ANKRD17: variants seen among roughly 807,000 people sequenced by gnomAD.
ANKRD17 encodes ankyrin repeat domain-containing protein 17.
Under a neutral mutation model 229.7 loss-of-function variants are expected in ANKRD17, and 19 were observed. The ratio of observed to expected loss-of-function variants is 0.08; its 90% confidence interval spans 0.06 to 0.12. ANKRD17 has a LOEUF of 0.12. Ranked by LOEUF, ANKRD17 falls within the 10% of genes least tolerant of loss-of-function variation. ANKRD17 has a pLI of 1.00. For missense variants in ANKRD17, 2,176 were observed against 3,176.8 expected, an observed-to-expected ratio of 0.68 and a Z score of 7.57; for synonymous variants, 1,112 against 1,146.1, an observed-to-expected ratio of 0.97 and a Z score of 0.60.
intron 1 of ANKRD17, among the ~76,000 whole-genome samples, chr4:73,189,132 T>C (rs1238593431): frequency 6.6e-6 from 1 of 152,140 alleles, no homozygotes; most frequent in East Asian, 1.9e-4. Context: ...CACTACTTTT[T>C]TATTTACAAG....
Position 73,139,813 on chromosome 4 carries a change from C to T in ANKRD17, c.2803G>A (p.Val935Ile), listed in dbSNP as rs1578167716. 3 of 1,614,226 alleles carry T rather than the reference C, an allele frequency of 1.9e-6. No homozygotes were observed. Among genetic ancestry groups the T allele is most frequent in the Non-Finnish European group, 2.5e-6 (3 of 1,180,042 alleles). Reference protein sequence around the residue: ...DYARLQQVDPVLLKDEPQQTA... With the variant: ...DYARLQQVDPILLKDEPQQTA... The stretch of plus-strand genomic sequence containing the variant: ...TGCTGGGGTTCATCTTTAAGTAAAA[C>T]AGGATCCACTTGCTGTAACCGTGCA... The change falls in exon 15 of 34, where the codon GTT (valine) becomes ATT (isoleucine). Residue 935 changes from valine (V) to isoleucine (I), a missense_variant. Around this residue, in one of 18 missense-constraint regions of ANKRD17, gnomAD observed 230 missense variants for 252.3 expected, o/e 0.91. Coordinates refer to ENST00000358602, the MANE Select transcript of ANKRD17 (RefSeq NM_032217.5).
rs551259613 is a variant in ANKRD17 at position 73,192,557 on chromosome 4, T to TAA, written c.394-15026_394-15025dup. Reference sequence around the variant, plus strand: ...CCATACCCTTCTATATTGCTTACCTTAAAAAAAAAATGCAGTTTTCTACCG... The same window carrying TAA: ...CCATACCCTTCTATATTGCTTACCTTAAAAAAAAAAAATGCAGTTTTCTACCG... On this transcript the variant is annotated intron_variant, in intron 1 of 33. Coordinates refer to ENST00000358602, the MANE Select transcript of ANKRD17 (RefSeq NM_032217.5). Among the ~76,000 whole-genome samples, 21 of 149,240 alleles carry TAA rather than the reference T, an allele frequency of 1.4e-4. No homozygotes were observed. The South Asian group carries it at 2.5e-3, about 18-fold the overall frequency.
At chr4:73,105,706 G>A (rs1724532303) in intron 24 of ANKRD17, among the ~76,000 whole-genome samples, 4 of 152,192 alleles carry the variant, frequency 2.6e-5, no homozygotes, top group Admixed American at 2.0e-4. Context: ...GAGGTCACAT[G>A]GTTCAGACCT....
chr4:73,244,549 G>A (rs1395528872), intron 1 of ANKRD17, among the ~76,000 whole-genome samples: 1 of 152,166 alleles, frequency 6.6e-6, no homozygotes, highest in African/African-American at 2.4e-5. Context: ...GTATTGGACA[G>A]CACTGATTAA....
At chr4:73,134,979 TTTAA>T (rs1332437424) in intron 16 of ANKRD17, 134 bp downstream of exon 16, 3 of 794,844 alleles carry the variant, frequency 3.8e-6, no homozygotes, top group Admixed American at 3.4e-5. Context: ...AAATGTGAAC[TTTAA>T]TTAATTTAAA....
chr4:73,183,485 A>T (rs1024710931), intron 1 of ANKRD17, among the ~76,000 whole-genome samples: 5 of 151,978 alleles, frequency 3.3e-5, no homozygotes, highest in Admixed American at 6.6e-5. Context: ...ACAGGGTCTC[A>T]CTCTGTCACG....
At chr4:73,124,593 TATA>T (rs1727191734) in intron 18 of ANKRD17, among the ~76,000 whole-genome samples, 2 of 152,206 alleles carry the variant, frequency 1.3e-5, no homozygotes, top group Admixed American at 1.3e-4. Flanking sequence ...TGCCATGTAC[TATA>T]GGGCAGGCAA....
chr4:73,253,784 G>GT (rs1369864788), intron 1 of ANKRD17, among the ~76,000 whole-genome samples: 1 of 152,154 alleles, frequency 6.6e-6, no homozygotes, highest in Admixed American at 6.5e-5. Flanking sequence ...AATACTTAGA[G>GT]AAGATCATCA....
chr4:73,179,518 A>ATATATATTTTT (rs1192164276), intron 1 of ANKRD17, among the ~76,000 whole-genome samples: 11 of 40,774 alleles, frequency 2.7e-4, no homozygotes, highest in East Asian at 8.9e-4. Flanking sequence ...ATATATATAT[A>ATATATATTTTT]TTTTTTTTTT....
At chr4:73,089,422 T>C (rs1277511059) in intron 29 of ANKRD17, among the ~76,000 whole-genome samples, 1 of 152,206 alleles carries the variant, frequency 6.6e-6, no homozygotes, top group Non-Finnish European at 1.5e-5. Flanking sequence ...GACCATAGTG[T>C]GTCCATCTCT....
chr4:73,125,803 G>A (rs1372888961), intron 16 of ANKRD17, among the ~76,000 whole-genome samples: 2 of 151,492 alleles, frequency 1.3e-5, no homozygotes, highest in Admixed American at 6.6e-5. Flanking sequence ...GCCAACTTGC[G>A]AGTTTTTTAA....
chr4:73,229,706 C>T (rs1279941811), intron 1 of ANKRD17, among the ~76,000 whole-genome samples: 1 of 151,038 alleles, frequency 6.6e-6, no homozygotes, highest in South Asian at 2.1e-4. Context: ...AATGATCTAC[C>T]CTTTAAAAAA....
intron 28 of ANKRD17, 21 bp from the exon 29 acceptor site, chr4:73,092,321 AT>A (rs747745144): frequency 4.5e-6 from 7 of 1,568,616 alleles, no homozygotes; most frequent in Non-Finnish European, 6.0e-6. Flanking sequence ...AGAAAAAAAA[AT>A]TAGGTAGAAT....
intron 1 of ANKRD17, among the ~76,000 whole-genome samples, chr4:73,226,388 T>TG (rs1387530758): frequency 4.5e-5 from 6 of 132,856 alleles, no homozygotes; most frequent in Middle Eastern, 3.8e-3. Context: ...TCTTTTCTTC[T>TG]GTTTTTTTTT....
intron 1 of ANKRD17, among the ~76,000 whole-genome samples, chr4:73,237,417 A>G (rs945068334): frequency 5.3e-5 from 8 of 152,222 alleles, no homozygotes; most frequent in Non-Finnish European, 8.8e-5. Flanking sequence ...CATATTCACA[A>G]CTTAAATCAT....
At chr4:73,154,628 T>C (rs1310852514) in intron 5 of ANKRD17, among the ~76,000 whole-genome samples, 1 of 152,200 alleles carries the variant, frequency 6.6e-6, no homozygotes, top group Non-Finnish European at 1.5e-5. Context: ...TTGAATTCAA[T>C]AATTTCTAAA....
At chr4:73,246,934 C>A (rs1744558536) in intron 1 of ANKRD17, among the ~76,000 whole-genome samples, 1 of 152,086 alleles carries the variant, frequency 6.6e-6, no homozygotes, top group African/African-American at 2.4e-5. Flanking sequence ...TTGTTAAATA[C>A]TGGAGTGAGG....
intron 5 of ANKRD17, among the ~76,000 whole-genome samples, chr4:73,154,784 G>GT (rs1318441199): frequency 6.6e-6 from 1 of 152,172 alleles, no homozygotes; most frequent in Non-Finnish European, 1.5e-5. Flanking sequence ...GCTCACGCCT[G>GT]TAATCCCAGC....
In ANKRD17 at chr4:73,142,555, A is replaced by G. The variant is rs143931320; in HGVS notation, c.2085+85T>C. The G allele has an allele frequency of 7.6e-5, 121 of 1,600,456 alleles. No individual in the cohort carries two copies. In the East Asian group the frequency reaches 2.7e-3, roughly 36 times the overall value. ...ATTTACACTTAGAATGCCATTATGA[A>G]TGGAACTTGTACATGATATGTTGTA... On this transcript the variant is annotated intron_variant, in intron 12 of 33. Coordinates refer to ENST00000358602, the MANE Select transcript of ANKRD17 (RefSeq NM_032217.5).
Sources: allele counts gnomAD v4.1 joint callset (sites outside exome capture counted in the v4.1 genomes callset), GRCh38; gene constraint gnomAD v4.1.1; regional missense constraint gnomAD v4.1.1; transcripts MANE v1.5; gene names NCBI Gene and HGNC (gene_info 2026-07-23, HGNC 2026-07-21).